Variants in TADA1 observed in about 807,000 individuals in gnomAD.
TADA1 encodes the protein transcriptional adapter 1.
Under a neutral mutation model 39.3 loss-of-function variants are expected in TADA1, and 23 were observed. The observed-to-expected ratio is 0.58, with a 90% CI of 0.42 to 0.83. The LOEUF (loss-of-function observed/expected upper bound fraction) is 0.83, where lower values mean the gene tolerates loss of function less well. Ranked by LOEUF, TADA1 falls within the 40% of genes least tolerant of loss-of-function variation. The pLI is 0.00. For synonymous variants in TADA1, 137 were observed against 151.8 expected, an observed-to-expected ratio of 0.90 and a Z score of 0.72; for missense variants, 352 against 408.1, an observed-to-expected ratio of 0.86 and a Z score of 1.18.
intron 3 of TADA1, among the ~76,000 whole-genome samples, chr1:166,866,110 C>G (rs1180460675): frequency 6.6e-6 from 1 of 152,202 alleles, no homozygotes; most frequent in Admixed American, 6.5e-5. Flanking sequence ...GGAAAGTAGG[C>G]TGGACATGCA....
In TADA1 at chr1:166,876,198, C is replaced by T; in HGVS notation, c.36G>A (p.Lys12=). ...CCCCCAGGGCCTCGCTTAAGTTCTT[C>T]TTGGCCGCCTCCAGCTCGCTCACAA... The part of the protein sequence containing the change: ...ATFVSELEAA[K]KNLSEALGDN... The change falls in exon 1 of 8, where the codon AAG becomes AAA. Residue 12 remains lysine, a synonymous_variant. Coordinates refer to ENST00000367874, the MANE Select transcript of TADA1 (RefSeq NM_053053.4). The T allele has an allele frequency of 1.9e-6, 3 of 1,613,836 alleles. No individual in the cohort carries two copies. The highest frequency in any genetic ancestry group is 2.2e-5 in the South Asian group (2 of 90,974).
intron 1 of TADA1, among the ~76,000 whole-genome samples, chr1:166,870,389 T>G (rs1658630716): frequency 6.6e-6 from 1 of 152,208 alleles, no homozygotes; most frequent in Non-Finnish European, 1.5e-5. Context: ...GCCAACATCT[T>G]GATCACAGAC....
intron 5 of TADA1, among the ~76,000 whole-genome samples, chr1:166,861,932 C>T (rs555895656): frequency 1.1e-4 from 17 of 151,930 alleles, no homozygotes; most frequent in Admixed American, 7.9e-4. Flanking sequence ...TGGTGGCGCA[C>T]GTCTATACTC....
chr1:166,864,967 TA>T (rs1382941930), intron 3 of TADA1, among the ~76,000 whole-genome samples: 1 of 152,208 alleles, frequency 6.6e-6, no homozygotes, highest in African/African-American at 2.4e-5. Context: ...CCTGTCAGCT[TA>T]CTCTAAAGCA....
intron 6 of TADA1, 102 bp from the exon 7 acceptor site, chr1:166,858,383 T>A: frequency 1.1e-6 from 1 of 889,628 alleles, no homozygotes; most frequent in Non-Finnish European, 1.6e-6. Context: ...TTTAATTGAA[T>A]TAGAAATCCA....
rs1658470180 is a variant in TADA1, at chr1:166,863,867, G to A, written c.287C>T (p.Pro96Leu). The A allele has an allele frequency of 6.2e-7, 1 of 1,611,200 alleles. No individual in the cohort carries two copies. The highest frequency in any genetic ancestry group is 1.1e-5 in the South Asian group (1 of 90,396). Residue 96 changes from proline (P) to leucine (L), a missense_variant, in exon 4 of 8, where the codon CCC (proline) becomes CTC (leucine). Pro to Leu is a moderately conservative substitution (Grantham distance 98). Around this residue, in one of 3 missense-constraint regions of TADA1, gnomAD observed 285 missense variants for 310.9 expected, o/e 0.92. Transcript: ENST00000367874. ...PGGSAAKPGK[P>L]KGKKKLSSVR... ...AGAAGAAAGCTTTTTCTTTCCCTTG[G>A]GTTTTCCAGGTTTTGCTGCGGAACC...
intron 1 of TADA1, among the ~76,000 whole-genome samples, chr1:166,872,036 G>C (rs1168410140): frequency 1.3e-5 from 2 of 152,190 alleles, no homozygotes; most frequent in Non-Finnish European, 2.9e-5. Context: ...CAAAGAGCTA[G>C]AACTAGCTAC....
At chr1:166,860,643 T>C (rs761816161) in intron 5 of TADA1, among the ~76,000 whole-genome samples, 3 of 152,098 alleles carry the variant, frequency 2.0e-5, no homozygotes, top group Non-Finnish European at 4.4e-5. Flanking sequence ...CAAAAATGAG[T>C]TTTAGATGGC....
chr1:166,876,124 G>A (rs753434737), intron 1 of TADA1, 36 bp downstream of exon 1: 43 of 1,587,396 alleles, frequency 2.7e-5, no homozygotes, highest in East Asian at 7.1e-5. Flanking sequence ...GAGCACCCGC[G>A]TGTTGGCCTG....
At chr1:166,874,347 A>G (rs1310976166) in intron 1 of TADA1, among the ~76,000 whole-genome samples, 1 of 152,202 alleles carries the variant, frequency 6.6e-6, no homozygotes, top group Non-Finnish European at 1.5e-5. Flanking sequence ...CTCAAAAAAA[A>G]AAAAGGTAAA....
intron 7 of TADA1, among the ~76,000 whole-genome samples, 185 bp from the exon 8 acceptor site, chr1:166,857,904 A>T (rs1658316735): frequency 6.6e-6 from 1 of 152,250 alleles, no homozygotes; most frequent in Non-Finnish European, 1.5e-5. Context: ...ATAGCAGAAC[A>T]AGGGATTTTT....
In TADA1 at chr1:166,857,608, G is replaced by A. The variant is rs762739898; in HGVS notation, c.967C>T (p.Arg323Cys). The A allele has an allele frequency of 3.0e-5, 48 of 1,614,020 alleles. No individual in the cohort carries two copies. Among genetic ancestry groups the A allele is most frequent in the Non-Finnish European group, 3.6e-5 (42 of 1,180,036 alleles). The change falls in exon 8 of 8, where the codon CGC becomes TGC. Residue 323 changes from arginine (R) to cysteine (C), a missense_variant. Arg to Cys is a radical substitution (Grantham distance 180). Around this residue, in one of 3 missense-constraint regions of TADA1, gnomAD observed 285 missense variants for 310.9 expected, o/e 0.92. Transcript: ENST00000367874. ...HEELQQDKVHRQRLAAKEGLL... is the reference protein window; with the variant it reads ...HEELQQDKVHCQRLAAKEGLL... Reference sequence around the variant, plus strand: ...CCCTCCTTGGCTGCCAAGCGCTGGCGGTGAACTTTGTCTTGCTGCAGCTCT... The same window carrying A: ...CCCTCCTTGGCTGCCAAGCGCTGGCAGTGAACTTTGTCTTGCTGCAGCTCT...
intron 7 of TADA1, 79 bp from the exon 8 acceptor site, chr1:166,857,798 A>G (rs1658314066): frequency 7.0e-7 from 1 of 1,422,434 alleles, no homozygotes; most frequent in Non-Finnish European, 9.6e-7. Context: ...GTTTATATCA[A>G]CAAAACATAC....
chr1:166,871,540 T>C (rs908524985), intron 1 of TADA1, among the ~76,000 whole-genome samples: 12 of 152,206 alleles, frequency 7.9e-5, no homozygotes, highest in African/African-American at 2.9e-4. Flanking sequence ...GTTGTTGTTG[T>C]TGTTTTTCAG....
intron 1 of TADA1, among the ~76,000 whole-genome samples, chr1:166,875,231 G>A (rs1455718275): frequency 2.0e-5 from 3 of 152,164 alleles, no homozygotes; most frequent in Non-Finnish European, 4.4e-5. Context: ...TAATAACAAC[G>A]TTTTGAAAAT....
rs994033451 is a variant in TADA1, at chr1:166,862,660, T to C, written c.331-248A>G. 1.3e-5 allele frequency: 7 copies of C among 530,158 alleles called. No individual in the cohort carries two copies. The Admixed American group carries it at 1.6e-4, about 12-fold the overall frequency. 32.8% of individuals were successfully genotyped at this position (530,158 alleles called of 1,614,324 possible). A position where few individuals can be genotyped will look rare whatever the true frequency, so the allele number is the denominator to read the frequency against. ...GTAGTAGTTTATTCTATTCAATTAATACCTTGGTGATCACAGAATGTATGG... is the reference window on the plus strand; with the variant it reads ...GTAGTAGTTTATTCTATTCAATTAACACCTTGGTGATCACAGAATGTATGG... On this transcript the variant is annotated intron_variant, in intron 4 of 7. Transcript: ENST00000367874.
chr1:166,870,991 T>C (rs573608297), intron 1 of TADA1, among the ~76,000 whole-genome samples: 42 of 152,294 alleles, frequency 2.8e-4, no homozygotes, highest in African/African-American at 9.9e-4. Flanking sequence ...CTGTGTGTGT[T>C]TAACGGAGAG....
intron 3 of TADA1, among the ~76,000 whole-genome samples, chr1:166,867,944 T>C (rs766059365): frequency 1.3e-5 from 2 of 152,306 alleles, no homozygotes; most frequent in Non-Finnish European, 2.9e-5. Context: ...CAGCCATTTA[T>C]AGATAAAACA....
At chr1:166,869,276 T>TAAAA in intron 3 of TADA1, 169 bp downstream of exon 3, 1 of 409,220 alleles carries the variant, frequency 2.4e-6, no homozygotes, top group Non-Finnish European at 4.4e-6. Context: ...GTTTCTGCTT[T>TAAAA]AAAAAAAAAA....
Sources: gnomAD v4.1 joint callset for allele counts (sites outside exome capture counted in the v4.1 genomes callset) on GRCh38, gnomAD v4.1.1 for gene constraint, gnomAD v4.1.1 regional missense constraint, MANE v1.5 for transcripts, NCBI Gene and HGNC (gene_info 2026-07-23, HGNC 2026-07-21) for gene names.